The following ATG16L2 variants were observed in gnomAD, a reference collection of about 807,000 sequenced individuals.
ATG16L2 encodes protein Atg16l2.
A neutral mutation model predicts 84.7 loss-of-function variants in ATG16L2; 77 were observed. The observed-to-expected ratio is 0.91, with a 90% confidence interval of 0.76 to 1.10. The LOEUF is 1.10. Among genes scored for constraint, ATG16L2 ranks in the 50% least tolerant of loss-of-function variants. The pLI, the probability that ATG16L2 is intolerant of heterozygous loss-of-function variation, is 0.00. For missense variants in ATG16L2, 782 were observed against 817.6 expected (o/e 0.96, Z 0.53); for synonymous variants, 361 against 342.8 (o/e 1.05, Z -0.59).
intron 14 of ATG16L2, 65 bp downstream of exon 14, chr11:72,827,358 CCT>C: frequency 7.3e-7 from 1 of 1,368,222 alleles, no homozygotes; most frequent in Non-Finnish European, 1.0e-6. Context: ...AGTTCTTGTT[CCT>C]TTCTCTGGCC....
intron 3 of ATG16L2, chr11:72,818,181 C>T: frequency 3.2e-6 from 1 of 308,758 alleles, no homozygotes; most frequent in South Asian, 4.4e-5. Context: ...GGCCTAGCAC[C>T]AGTTGATGCT....
chr11:72,841,266 G>A (rs984884113), intron 5 of ATG16L2, among the ~76,000 whole-genome samples: 7 of 143,816 alleles, frequency 4.9e-5, no homozygotes, highest in Non-Finnish European at 9.0e-5. Context: ...CCCAGGAATT[G>A]GTTGCTATGA....
intron 5 of ATG16L2, chr11:72,838,969 G>T: frequency 9.7e-7 from 1 of 1,031,556 alleles, no homozygotes; most frequent in Non-Finnish European, 1.5e-6. Context: ...CCAAGGACAT[G>T]GGCACCCTAG....
In ATG16L2 at chr11:72,829,407, C is replaced by T. The variant is rs748827195; in HGVS notation, c.*17C>T. 2.5e-6 allele frequency: 4 copies of T among 1,605,580 alleles called. No individual in the cohort carries two copies. The East Asian group carries it at 8.9e-5, about 36-fold the overall frequency. On this transcript the variant is annotated 3_prime_UTR_variant, in exon 18 of 18. Coordinates refer to ENST00000321297, the MANE Select transcript of ATG16L2 (RefSeq NM_033388.2). The stretch of plus-strand genomic sequence containing the variant: ...TGGCAGTAGGGCCACGACCTGCCTG[C>T]CTGGGCTGGAGCTCTTGCCCGAAGC...
chr11:72,818,309 C>G (rs1390081183), intron 3 of ATG16L2: 2 of 159,724 alleles, frequency 1.3e-5, no homozygotes, highest in Admixed American at 5.9e-5. Context: ...CTTGGCTTCT[C>G]TTTCACCATG....
chr11:72,825,352 C>T lies in ATG16L2; in HGVS notation c.1047C>T (p.Ser349=), dbSNP rs751667754. Residue 349 remains serine, a synonymous_variant, in exon 10 of 18, where the codon AGC becomes AGT. Transcript: ENST00000321297. ...CTGTTCGTTTTGGCCCCAACAGCAG[C>T]CTCCTGGCCACTGGAGGGGCTGACC... is the stretch of plus-strand genomic sequence containing the variant. ...VNAVRFGPNS[S]LLATGGADRL... The T allele has an allele frequency of 6.2e-7, 1 of 1,613,534 alleles. No homozygotes were observed. The highest frequency in any genetic ancestry group is 8.5e-7 in the Non-Finnish European group (1 of 1,179,984).
chr11:72,816,943 AGGGGTGGTG>A (rs1202531224), intron 2 of ATG16L2, 116 bp downstream of exon 2: 11 of 312,462 alleles, frequency 3.5e-5, no homozygotes, highest in East Asian at 9.6e-5. Context: ...GCTGCTGCCC[AGGGGTGGTG>A]GGGGTGGTGG....
rs1860016785 is a variant in ATG16L2, at chr11:72,821,920, C to A, written c.393-124C>A. ...CTGAGGGCGAAGGCTTGGGGGAGAC[C>A]TGGCTTAGCCACCCGGCTAGCCGCG... On this transcript the variant is annotated intron_variant, in intron 4 of 17. Coordinates refer to ENST00000321297, the MANE Select transcript of ATG16L2 (RefSeq NM_033388.2). The A allele has an allele frequency of 1.2e-5, 17 of 1,421,756 alleles. No homozygotes were observed. The South Asian group carries it at 2.5e-4, about 21-fold the overall frequency. The allele number at this position is 1,421,756 out of a possible 1,614,324, so 88.1% of individuals were successfully genotyped here.
downstream of ATG16L2, among the ~76,000 whole-genome samples, chr11:72,830,516 A>G (rs977832271): frequency 6.6e-6 from 1 of 152,074 alleles, no homozygotes; most frequent in Non-Finnish European, 1.5e-5. Context: ...TTTGAGACAC[A>G]CAAAAAACCT....
At chr11:72,837,829 C>G (rs1181234658) in intron 5 of ATG16L2, 1 of 152,226 alleles carries the variant, frequency 6.6e-6, no homozygotes, top group African/African-American at 2.4e-5. Flanking sequence ...CACAGCCTGG[C>G]TGTCTGGGCC....
At chr11:72,838,967 A>T in intron 5 of ATG16L2, 1 of 1,109,058 alleles carries the variant, frequency 9.0e-7, no homozygotes, top group Non-Finnish European at 1.3e-6. Context: ...GTCCAAGGAC[A>T]TGGGCACCCT....
At chr11:72,841,019 C>A in intron 5 of ATG16L2, 1 of 1,274,258 alleles carries the variant, frequency 7.8e-7, no homozygotes, top group Non-Finnish European at 1.1e-6. Context: ...AATGCTGATG[C>A]AAGGCTGGCA....
chr11:72,827,638 T>C (rs903253576), intron 14 of ATG16L2, among the ~76,000 whole-genome samples: 1 of 152,238 alleles, frequency 6.6e-6, no homozygotes, highest in African/African-American at 2.4e-5. Context: ...CTTGAATTGT[T>C]TGTAAAAGCA....
chr11:72,826,278 C>T, intron 11 of ATG16L2, 35 bp downstream of exon 11: 2 of 1,605,960 alleles, frequency 1.2e-6, no homozygotes, highest in Non-Finnish European at 1.7e-6. Flanking sequence ...TGGGATTGTG[C>T]CCTCTCTGAT....
At chr11:72,818,640 C>T (rs1159130890) in intron 3 of ATG16L2, 1 of 152,218 alleles carries the variant, frequency 6.6e-6, no homozygotes, top group Non-Finnish European at 1.5e-5. Flanking sequence ...TCCTTCACAA[C>T]TTTATGGTTG....
rs1860085837 is a variant in ATG16L2 at position 72,822,700 on chromosome 11, G to A, written c.711-148G>A. ...GACACCTGCAGAGGACCGTGTGGTC[G>A]TAGGAGCCTGCATGCGTGACCGCTG... is the stretch of plus-strand genomic sequence containing the variant. On this transcript the variant is annotated intron_variant, in intron 6 of 17. Coordinates refer to ENST00000321297, the MANE Select transcript of ATG16L2 (RefSeq NM_033388.2). This position sits in a 1 kb window ranked among gnomAD's most constrained non-coding sequence, Gnocchi z 4.2. 18 of 1,104,318 alleles carry A rather than the reference G, an allele frequency of 1.6e-5. No homozygotes were observed. The highest frequency in any genetic ancestry group is 5.5e-5 in the Admixed American group (2 of 36,392). 68.4% of individuals were successfully genotyped at this position (1,104,318 alleles called of 1,614,324 possible).
At chr11:72,832,995 C>T (rs536856809), downstream of ATG16L2, among the ~76,000 whole-genome samples, 1 of 152,328 alleles carries the variant, frequency 6.6e-6, no homozygotes, top group African/African-American at 2.4e-5. Flanking sequence ...GGACCATGGC[C>T]TCTGCCTGCC....
At chr11:72,832,300 A>G (rs1256578961), downstream of ATG16L2, among the ~76,000 whole-genome samples, 1 of 152,014 alleles carries the variant, frequency 6.6e-6, no homozygotes, top group African/African-American at 2.4e-5. Flanking sequence ...CTTACCACAC[A>G]CGCTGCTGCC....
downstream of ATG16L2, chr11:72,829,744 C>A: frequency 3.1e-6 from 2 of 651,262 alleles, no homozygotes; most frequent in South Asian, 6.2e-5. Flanking sequence ...AGAGCTGAGG[C>A]AGCCAGCCGA....
Sources: gnomAD v4.1 joint callset for allele counts (sites outside exome capture counted in the v4.1 genomes callset) on GRCh38, gnomAD v4.1.1 for gene constraint, Gnocchi (gnomAD v3.1) non-coding constraint, MANE v1.5 for transcripts, NCBI Gene and HGNC (gene_info 2026-07-23, HGNC 2026-07-21) for gene names.